NKIRAS1: variants seen among roughly 807,000 people sequenced by gnomAD.
NKIRAS1 encodes NFKB inhibitor interacting Ras like 1, also known as NF-kappa-B inhibitor-interacting Ras-like protein 1.
A neutral mutation model predicts 19.8 loss-of-function variants in NKIRAS1; 16 were observed. The observed-to-expected ratio is 0.81, with a 90% CI of 0.55 to 1.23. The LOEUF is 1.23. Among genes scored for constraint, NKIRAS1 ranks in the 50% most tolerant of loss-of-function variants. The pLI, the probability that NKIRAS1 is intolerant of heterozygous loss-of-function variation, is 0.00. For missense variants in NKIRAS1, 184 were observed against 220.0 expected, an observed-to-expected ratio of 0.84 and a Z score of 1.04; for synonymous variants, 88 against 79.0, an observed-to-expected ratio of 1.11 and a Z score of -0.61.
At chr3:23,939,901 A>G (rs1705461318) in intron 1 of NKIRAS1, among the ~76,000 whole-genome samples, 1 of 152,262 alleles carries the variant, frequency 6.6e-6, no homozygotes, top group Admixed American at 6.5e-5. Context: ...AAACTGATTC[A>G]GGAAGACGAA....
chr3:23,945,088 A>C (rs1287032009), intron 1 of NKIRAS1, among the ~76,000 whole-genome samples: 1 of 151,370 alleles, frequency 6.6e-6, no homozygotes, highest in Non-Finnish European at 1.5e-5. Context: ...CGGAGGGGAA[A>C]AACGAAGGAA....
chr3:23,946,384 C>T, exon 1 of NKIRAS1: 4 of 802,656 alleles, frequency 5.0e-6, no homozygotes, highest in Non-Finnish European at 6.0e-6. Flanking sequence ...GGAGGCGCCT[C>T]GGGGAAGGCG....
intron 1 of NKIRAS1, among the ~76,000 whole-genome samples, chr3:23,945,880 C>T (rs964246781): frequency 1.3e-5 from 2 of 150,826 alleles, no homozygotes; most frequent in African/African-American, 4.9e-5. Flanking sequence ...TGTTTACGTT[C>T]GGCGGCGCGC....
At chr3:23,932,953 A>G (rs1000589991) in intron 1 of NKIRAS1, among the ~76,000 whole-genome samples, 9 of 152,268 alleles carry the variant, frequency 5.9e-5, no homozygotes, top group South Asian at 4.1e-4. Context: ...ATCTGTGACT[A>G]TGTTACATTA....
At chr3:23,921,611 C>T (rs752593196), upstream of NKIRAS1, 4 of 509,372 alleles carry the variant, frequency 7.9e-6, no homozygotes, top group Middle Eastern at 1.2e-3. Context: ...GAGTCTCACT[C>T]TCACTCAGGT....
chr3:23,897,144 T>G lies in NKIRAS1; in HGVS notation c.336+3664A>C, dbSNP rs72627065. ...GGAGGTCACTGGAGCCTGGGAGTTT[T>G]AGGCTGCAATCATGCCATAGCTCTC... On this transcript the variant is annotated intron_variant, in intron 4 of 4. Coordinates refer to ENST00000425478, the MANE Select transcript of NKIRAS1 (RefSeq NM_020345.4). Among the ~76,000 whole-genome samples the G allele has an allele frequency of 5.3e-3, 801 of 152,222 alleles. 17 individuals are homozygous for G. The highest frequency in any genetic ancestry group is 0.049 in the East Asian group (256 of 5,184).
Position 23,892,586 on chromosome 3 carries a change from A to G in NKIRAS1, c.*509T>C, listed in dbSNP as rs1181024008. On this transcript the variant is annotated 3_prime_UTR_variant, in exon 5 of 5. Coordinates refer to ENST00000425478, the MANE Select transcript of NKIRAS1 (RefSeq NM_020345.4). The stretch of plus-strand genomic sequence containing the variant: ...GTCTGTTTAGCAAAATCTCCACAAG[A>G]TGAAATTTAGCTTACTACCCCAAAC... 1 of 152,262 alleles carries G rather than the reference A, an allele frequency of 6.6e-6. No homozygotes were observed. Among genetic ancestry groups the G allele is most frequent in the Non-Finnish European group, 1.5e-5 (1 of 68,074 alleles). 9.4% of individuals were successfully genotyped at this position (152,262 alleles called of 1,614,324 possible).
At chr3:23,901,723 T>C (rs945136017) in intron 3 of NKIRAS1, among the ~76,000 whole-genome samples, 1 of 152,168 alleles carries the variant, frequency 6.6e-6, no homozygotes, top group African/African-American at 2.4e-5. Flanking sequence ...TTTTAATAAG[T>C]AGTGGAGAGA....
intron 1 of NKIRAS1, chr3:23,945,487 C>A: frequency 1.2e-6 from 1 of 814,698 alleles, no homozygotes; most frequent in Non-Finnish European, 1.5e-6. Flanking sequence ...ACCGCTGCTT[C>A]CAGCCCGGGG....
chr3:23,940,057 G>C (rs905585726), intron 1 of NKIRAS1, among the ~76,000 whole-genome samples: 1 of 151,358 alleles, frequency 6.6e-6, no homozygotes, highest in Non-Finnish European at 1.5e-5. Context: ...CTGACCGGGT[G>C]CGTAGGCTCA....
chr3:23,929,009 A>AAAAAG (rs71057638), intron 1 of NKIRAS1, among the ~76,000 whole-genome samples: 2 of 145,652 alleles, frequency 1.4e-5, no homozygotes, highest in South Asian at 2.1e-4. Flanking sequence ...TAAAAAAAAA[A>AAAAAG]AAAAGAAAAG....
chr3:23,899,747 A>G (rs940200524), intron 4 of NKIRAS1, among the ~76,000 whole-genome samples: 2 of 152,276 alleles, frequency 1.3e-5, no homozygotes, highest in Non-Finnish European at 1.5e-5. Flanking sequence ...AAATCTTTAC[A>G]GACCACTGTA....
chr3:23,901,180 T>C (rs893782348), intron 3 of NKIRAS1, 131 bp from the exon 4 acceptor site: 20 of 188,496 alleles, frequency 1.1e-4, no homozygotes, highest in Non-Finnish European at 1.5e-4. Context: ...TCTATTTTAC[T>C]TTTTTTTTTT....
intron 4 of NKIRAS1, among the ~76,000 whole-genome samples, chr3:23,894,226 G>A (rs577177451): frequency 2.6e-5 from 4 of 152,286 alleles, no homozygotes; most frequent in Admixed American, 6.5e-5. Flanking sequence ...CCCCAAACCA[G>A]ATTTTCAGAT....
chr3:23,899,670 G>A (rs1702312134), intron 4 of NKIRAS1, among the ~76,000 whole-genome samples: 1 of 152,234 alleles, frequency 6.6e-6, no homozygotes, highest in Admixed American at 6.5e-5. Context: ...GGTGTCACTG[G>A]AGTATAGTGA....
At chr3:23,901,898 C>A (rs930846090) in intron 3 of NKIRAS1, among the ~76,000 whole-genome samples, 1 of 152,134 alleles carries the variant, frequency 6.6e-6, no homozygotes, top group Admixed American at 6.5e-5. Context: ...CATGGCCAAA[C>A]CCCATCTCAA....
upstream of NKIRAS1, chr3:23,918,008 G>T (rs1172027997): frequency 1.2e-6 from 2 of 1,610,008 alleles, no homozygotes; most frequent in African/African-American, 2.7e-5. Flanking sequence ...AAAGCGCGCC[G>T]ACTGGGCTAC....
intron 4 of NKIRAS1, among the ~76,000 whole-genome samples, chr3:23,893,752 T>C (rs1268746754): frequency 7.5e-6 from 1 of 132,498 alleles, no homozygotes; most frequent in African/African-American, 3.0e-5. Context: ...TAAGCCGAGA[T>C]GGCGCCACTG....
At chr3:23,918,183 C>A, upstream of NKIRAS1, 1 of 1,054,862 alleles carries the variant, frequency 9.5e-7, no homozygotes, top group Non-Finnish European at 1.4e-6. Flanking sequence ...ACTGTATGCA[C>A]TGTTGTCTAA....
Sources: gnomAD v4.1 joint callset for allele counts (sites outside exome capture counted in the v4.1 genomes callset) on GRCh38, gnomAD v4.1.1 for gene constraint, MANE v1.5 for transcripts, NCBI Gene and HGNC (gene_info 2026-07-23, HGNC 2026-07-21) for gene names.